The following RFX2 variants were observed in gnomAD, a reference collection of about 807,000 sequenced individuals.
RFX2 encodes DNA-binding protein RFX2.
RFX2 carries 20 observed loss-of-function variants against 87.8 expected under a neutral mutation model. The ratio of observed to expected loss-of-function variants is 0.23; its 90% CI spans 0.16 to 0.33. The LOEUF (loss-of-function observed/expected upper bound fraction) is 0.33, where lower values mean the gene tolerates loss of function less well. RFX2 is among the 10% of genes least tolerant of loss of function. RFX2 has a pLI of 1.00. For synonymous variants in RFX2, 397 were observed against 431.3 expected (o/e 0.92, Z 0.98); for missense variants, 767 against 1,012.3 (o/e 0.76, Z 3.29).
At position 6,016,274 on chromosome 19, in the gene RFX2, G is replaced by A. The variant is rs776196666; in HGVS notation, c.598-3C>T. 1.3e-6 allele frequency: 2 copies of A among 1,591,312 alleles called. No homozygotes were observed. Among genetic ancestry groups the A allele is most frequent in the Non-Finnish European group, 1.7e-6 (2 of 1,165,866 alleles). On this transcript the variant is annotated splice_polypyrimidine_tract_variant and splice_region_variant and intron_variant, in intron 6 of 17. Transcript: ENST00000303657. The surrounding 1 kb of genome is among the most constrained non-coding windows in gnomAD (Gnocchi z 5.4). ...TAATTATCCAACAGCCACTGGAGCT[G>A]TAAAAAGAAAGACACGTCTGCGTTT...
chr19:6,104,607 AT>A (rs2088182096), intron 1 of RFX2, among the ~76,000 whole-genome samples: 1 of 151,250 alleles, frequency 6.6e-6, no homozygotes, highest in Non-Finnish European at 1.5e-5. Flanking sequence ...GGGTGTCGCT[AT>A]GTTGCCCAGG....
In RFX2 at chr19:5,998,293, G is replaced by GCAAC. The variant is rs112110212; in HGVS notation, c.1860-1084_1860-1081dup. 0.022 allele frequency among the ~76,000 whole-genome samples: 3,348 copies of GCAAC among 152,112 alleles called. 62 individuals are homozygous for GCAAC. Among genetic ancestry groups the GCAAC allele is most frequent in the African/African-American group, 0.038 (1,587 of 41,470 alleles). ...GCTGCACTCTAGCCTGGGTGACAGAGCAACACTCCATCTCAAAAAAAAAGA... is the reference window on the plus strand; with the variant it reads ...GCTGCACTCTAGCCTGGGTGACAGAGCAACCAACACTCCATCTCAAAAAAAAAGA... On this transcript the variant is annotated intron_variant, in intron 15 of 17. Transcript: ENST00000303657. This position sits in a 1 kb window ranked among gnomAD's most constrained non-coding sequence, Gnocchi z 4.2.
rs2288846 is a variant in RFX2 at position 6,042,048 on chromosome 19, C to T, written c.256G>A (p.Ala86Thr). The T allele has an allele frequency of 0.26, 413,934 of 1,612,188 alleles. 54,776 individuals are homozygous for T. The highest frequency in any genetic ancestry group is 0.3 in the Middle Eastern group (1,832 of 6,050). The change falls in exon 4 of 18, where the codon GCC (alanine) becomes ACC (threonine). Residue 86 changes from alanine (A) to threonine (T), a missense_variant. Around this residue, in one of 2 missense-constraint regions of RFX2, gnomAD observed 146 missense variants for 139.2 expected, o/e 1.05. Coordinates refer to ENST00000303657, the MANE Select transcript of RFX2 (RefSeq NM_000635.4). ...EGGDAVYTNG[A>T]IRTAYTYNPE... ...GCCCGCGGGAGAAGCACGCACATGG[C>T]TCCATTGGTGTAGACGGCGTCTCCC...
At chr19:6,073,015 TG>T in intron 1 of RFX2, 1 of 529,230 alleles carries the variant, frequency 1.9e-6, no homozygotes, top group South Asian at 1.9e-5. Flanking sequence ...AGTCTCACTC[TG>T]TTGTGCAGGC....
chr19:5,993,809 G>A lies in RFX2; in HGVS notation c.*1026C>T, dbSNP rs557036163. On this transcript the variant is annotated 3_prime_UTR_variant, in exon 18 of 18. Coordinates refer to ENST00000303657, the MANE Select transcript of RFX2 (RefSeq NM_000635.4). ...GAGAGAAGAGTTTTGACTTTGAAGA[G>A]GTCCAGGTGGGACTCGCTGGGGGTG... The A allele has an allele frequency of 6.6e-6, 1 of 152,306 alleles. No individual in the cohort carries two copies. Among genetic ancestry groups the A allele is most frequent in the Admixed American group, 6.5e-5 (1 of 15,296 alleles). The allele number at this position is 152,306 out of a possible 1,614,324, so 9.4% of individuals were successfully genotyped here.
chr19:6,105,874 G>A (rs1276373913), intron 1 of RFX2, among the ~76,000 whole-genome samples: 1 of 151,816 alleles, frequency 6.6e-6, no homozygotes, highest in Non-Finnish European at 1.5e-5. Flanking sequence ...GAGTAGATCT[G>A]GGGGGACTAT....
At chr19:6,014,068 A>G (rs939376130) in intron 7 of RFX2, among the ~76,000 whole-genome samples, 2 of 152,108 alleles carry the variant, frequency 1.3e-5, no homozygotes, top group Admixed American at 6.6e-5. Flanking sequence ...AGAGGGCTTT[A>G]AACAATTTAG....
At chr19:6,091,444 T>C (rs1013933228) in intron 1 of RFX2, among the ~76,000 whole-genome samples, 3 of 147,852 alleles carry the variant, frequency 2.0e-5, no homozygotes, top group African/African-American at 5.1e-5. Flanking sequence ...CAAGACCCTA[T>C]CTTCAAAAAA....
chr19:6,078,368 G>A (rs1482142474), intron 1 of RFX2: 1 of 147,430 alleles, frequency 6.8e-6, no homozygotes, highest in Admixed American at 6.7e-5. Flanking sequence ...GTATATTGAC[G>A]ACCTGTCCCC....
chr19:6,054,847 C>T (rs561560476), intron 1 of RFX2, among the ~76,000 whole-genome samples: 62 of 152,232 alleles, frequency 4.1e-4, no homozygotes, highest in Non-Finnish European at 7.2e-4. Flanking sequence ...AAAAGAAAAA[C>T]TTGAGAAATT....
At chr19:6,093,715 T>C (rs2087978761) in intron 1 of RFX2, among the ~76,000 whole-genome samples, 1 of 151,388 alleles carries the variant, frequency 6.6e-6, no homozygotes, top group Admixed American at 6.6e-5. Context: ...GATCTCTTTT[T>C]TGAAGAAGAA....
At chr19:6,031,695 G>A (rs573412243) in intron 5 of RFX2, among the ~76,000 whole-genome samples, 243 of 152,146 alleles carry the variant, frequency 1.6e-3, no homozygotes, top group Non-Finnish European at 2.8e-3. Flanking sequence ...CTCCCAAAGC[G>A]CTGGGGTTGC....
chr19:6,099,039 A>C (rs1195608143), intron 1 of RFX2, among the ~76,000 whole-genome samples: 1 of 150,566 alleles, frequency 6.6e-6, no homozygotes, highest in Non-Finnish European at 1.5e-5. Flanking sequence ...GCTTTCCCTC[A>C]GAGCAAAAAG....
In RFX2 at chr19:6,021,639, G is replaced by A. The variant is rs552901187; in HGVS notation, c.597+4524C>T. On this transcript the variant is annotated intron_variant, in intron 6 of 17. Coordinates refer to ENST00000303657, the MANE Select transcript of RFX2 (RefSeq NM_000635.4). This position sits in a 1 kb window ranked among gnomAD's most constrained non-coding sequence, Gnocchi z 5.7. ...CCCACAGTGCAAAGGCCCTGGGGCA[G>A]GTCCGAGCCTGGTGCATTGGAGGAA... 5.6e-4 allele frequency among the ~76,000 whole-genome samples: 85 copies of A among 152,348 alleles called. No individual in the cohort carries two copies. The East Asian group carries it at 0.016, about 29-fold the overall frequency.
At chr19:6,092,277 G>A (rs1165702582) in intron 1 of RFX2, among the ~76,000 whole-genome samples, 1 of 152,200 alleles carries the variant, frequency 6.6e-6, no homozygotes, top group Admixed American at 6.5e-5. Flanking sequence ...GCACAACTGA[G>A]CTCCCTCCTC....
At chr19:5,995,486 C>G (rs1321098800) in intron 17 of RFX2, 115 bp downstream of exon 17, 3 of 1,082,582 alleles carry the variant, frequency 2.8e-6, no homozygotes, top group Non-Finnish European at 4.1e-6. Context: ...GCCCTCACCC[C>G]CCAAGGGGCT....
Position 5,996,927 on chromosome 19 carries a change from C to T in RFX2, c.2013+133G>A, listed in dbSNP as rs908239278. 25 of 919,814 alleles carry T rather than the reference C, an allele frequency of 2.7e-5. No homozygotes were observed. The East Asian group carries it at 4.9e-4, about 18-fold the overall frequency. 57.0% of individuals were successfully genotyped at this position (919,814 alleles called of 1,614,324 possible). On this transcript the variant is annotated intron_variant, in intron 16 of 17. Transcript: ENST00000303657. ...CCCGTTTCTGTGGCTTGTTCTTTATCGAGCTGCAGCTCTGTCCGGGCGGCA... is the reference window on the plus strand; with the variant it reads ...CCCGTTTCTGTGGCTTGTTCTTTATTGAGCTGCAGCTCTGTCCGGGCGGCA...
chr19:6,073,075 G>T lies in RFX2; in HGVS notation c.-8-25571C>A, dbSNP rs1599906632. 5 of 456,342 alleles carry T rather than the reference G, an allele frequency of 1.1e-5. No homozygotes were observed. In the East Asian group the frequency reaches 2.3e-4, roughly 21 times the overall value. The allele number at this position is 456,342 out of a possible 1,614,324, so 28.3% of individuals were successfully genotyped here. ...GCTCACTGCAACCTCCGCCTTCCGG[G>T]TTGAAGCAATTCTCATGCCTCAGCC... On this transcript the variant is annotated intron_variant, in intron 1 of 17. Transcript: ENST00000303657.
chr19:6,018,517 G>T (rs1230386223), intron 6 of RFX2, among the ~76,000 whole-genome samples: 1 of 152,220 alleles, frequency 6.6e-6, no homozygotes, highest in African/African-American at 2.4e-5. Context: ...GGGCCTGAAC[G>T]CGGAGGTCTC....
Sources: allele counts gnomAD v4.1 joint callset (sites outside exome capture counted in the v4.1 genomes callset), GRCh38; gene constraint gnomAD v4.1.1; regional missense constraint gnomAD v4.1.1; non-coding constraint Gnocchi (gnomAD v3.1); transcripts MANE v1.5; gene names NCBI Gene and HGNC (gene_info 2026-07-23, HGNC 2026-07-21).